The following GUCY1A2 variants were observed in gnomAD, a reference collection of about 807,000 sequenced individuals.
GUCY1A2 encodes the protein guanylate cyclase 1 soluble subunit alpha 2, also known as guanylate cyclase soluble subunit alpha-2.
In GUCY1A2, 27 loss-of-function variants were observed where a neutral mutation model predicts 63.5. The ratio of observed to expected loss-of-function variants is 0.43; its 90% CI spans 0.31 to 0.59. GUCY1A2 has a LOEUF of 0.59. Ranked by LOEUF, GUCY1A2 falls within the 20% of genes least tolerant of loss-of-function variation. The pLI is 0.11. For synonymous variants in GUCY1A2, 364 were observed against 343.5 expected (o/e 1.06, Z -0.66); for missense variants, 768 against 913.3 (o/e 0.84, Z 2.05).
intron 6 of GUCY1A2, among the ~76,000 whole-genome samples, chr11:106,762,783 C>T (rs959677129): frequency 1.3e-5 from 2 of 152,028 alleles, no homozygotes; most frequent in Non-Finnish European, 2.9e-5. Context: ...CAGTAGTTTG[C>T]TCATATTAAT....
chr11:106,674,239 C>T lies in GUCY1A2; in HGVS notation c.*13310G>A, dbSNP rs1305902132. The T allele has an allele frequency of 1.1e-5, 2 of 184,702 alleles. No homozygotes were observed. Among genetic ancestry groups the T allele is most frequent in the Middle Eastern group, 1.9e-3 (1 of 534 alleles). 11.4% of individuals were successfully genotyped at this position (184,702 alleles called of 1,614,324 possible). On this transcript the variant is annotated 3_prime_UTR_variant, in exon 8 of 8. Transcript: ENST00000526355. ...GTTCTGCAGTCTGTAAATGCAAAGACATTTTACATCATGAAACATGCTATT... is the reference window on the plus strand; with the variant it reads ...GTTCTGCAGTCTGTAAATGCAAAGATATTTTACATCATGAAACATGCTATT...
chr11:106,933,841 C>T (rs987373285), intron 4 of GUCY1A2, among the ~76,000 whole-genome samples: 2 of 152,102 alleles, frequency 1.3e-5, no homozygotes, highest in Non-Finnish European at 2.9e-5. Context: ...TCTAAGCAAA[C>T]AAACACAGGA....
At chr11:106,782,939 G>A (rs1864491487) in intron 5 of GUCY1A2, among the ~76,000 whole-genome samples, 2 of 152,108 alleles carry the variant, frequency 1.3e-5, no homozygotes, top group African/African-American at 4.8e-5. Flanking sequence ...TACTCAGTAG[G>A]GTGGCTGAAG....
rs1350042066 is a variant in GUCY1A2 at position 106,681,283 on chromosome 11, T to G, written c.*6266A>C. On this transcript the variant is annotated 3_prime_UTR_variant, in exon 8 of 8. Coordinates refer to ENST00000526355, the MANE Select transcript of GUCY1A2 (RefSeq NM_000855.3). ...ATAATGAGCTCTTTTATCTTTACTC[T>G]TTCATCTTCCAAGACCATATCAAAC... 4 of 223,824 alleles carry G rather than the reference T, an allele frequency of 1.8e-5. No individual in the cohort carries two copies. The Admixed American group carries it at 2.3e-4, about 13-fold the overall frequency. The allele number at this position is 223,824 out of a possible 1,614,324, so 13.9% of individuals were successfully genotyped here.
intron 6 of GUCY1A2, among the ~76,000 whole-genome samples, chr11:106,750,600 A>T (rs769786773): frequency 5.9e-5 from 9 of 152,114 alleles, no homozygotes; most frequent in Non-Finnish European, 1.3e-4. Context: ...ATAAAAATAC[A>T]AAATGACACT....
chr11:106,743,793 T>C (rs144636048), intron 6 of GUCY1A2, among the ~76,000 whole-genome samples: 80 of 152,360 alleles, frequency 5.3e-4, no homozygotes, highest in African/African-American at 1.9e-3. Context: ...AGGATCTTGA[T>C]TGGACAACCA....
intron 1 of GUCY1A2, among the ~76,000 whole-genome samples, chr11:107,000,172 T>G (rs1012446892): frequency 6.6e-6 from 1 of 152,206 alleles, no homozygotes; most frequent in African/African-American, 2.4e-5. Context: ...AGGGGAAGAT[T>G]GGTTTTCTTT....
intron 3 of GUCY1A2, among the ~76,000 whole-genome samples, chr11:106,954,109 G>A (rs1296418512): frequency 6.6e-6 from 1 of 152,010 alleles, no homozygotes; most frequent in Non-Finnish European, 1.5e-5. Context: ...TGATGTTAGG[G>A]TGTCAATTTG....
At chr11:106,933,622 C>T (rs1565336089) in intron 4 of GUCY1A2, among the ~76,000 whole-genome samples, 3 of 152,160 alleles carry the variant, frequency 2.0e-5, no homozygotes, top group Admixed American at 1.3e-4. Context: ...ATAAATCATT[C>T]TACTCAAAAG....
At chr11:106,812,699 C>T (rs1041569977) in intron 4 of GUCY1A2, among the ~76,000 whole-genome samples, 3 of 151,862 alleles carry the variant, frequency 2.0e-5, no homozygotes, top group African/African-American at 4.8e-5. Flanking sequence ...GAATAGTTCA[C>T]ATTCCTGTCT....
intron 4 of GUCY1A2, chr11:106,827,448 TC>T (rs1858987170): frequency 1.4e-6 from 2 of 1,442,274 alleles, no homozygotes; most frequent in African/African-American, 2.8e-5. Context: ...AGATCATTAT[TC>T]TTTTAGCTTT....
rs1161171877 is a variant in GUCY1A2 at position 106,674,376 on chromosome 11, T to C, written c.*13173A>G. Reference sequence around the variant, plus strand: ...ATTTATAATCTTATATGAGTTATACTTTTACATGTATTATTCTTAAAATTC... The same window carrying C: ...ATTTATAATCTTATATGAGTTATACCTTTACATGTATTATTCTTAAAATTC... On this transcript the variant is annotated 3_prime_UTR_variant, in exon 8 of 8. Coordinates refer to ENST00000526355, the MANE Select transcript of GUCY1A2 (RefSeq NM_000855.3). 5.6e-6 allele frequency: 1 copy of C among 178,128 alleles called. No individual in the cohort carries two copies. Among genetic ancestry groups the C allele is most frequent in the Non-Finnish European group, 1.2e-5 (1 of 82,872 alleles). 11.0% of individuals were successfully genotyped at this position (178,128 alleles called of 1,614,324 possible).
At chr11:106,985,206 G>T (rs896207655) in intron 2 of GUCY1A2, among the ~76,000 whole-genome samples, 6 of 152,188 alleles carry the variant, frequency 3.9e-5, no homozygotes, top group Non-Finnish European at 8.8e-5. Context: ...CTTCTCAAAA[G>T]TTCTTAAAAT....
intron 1 of GUCY1A2, among the ~76,000 whole-genome samples, chr11:107,005,225 G>A (rs1861656804): frequency 6.6e-6 from 1 of 152,204 alleles, no homozygotes; most frequent in Non-Finnish European, 1.5e-5. Context: ...CAGAGGGGCA[G>A]ACAATAGCTG....
At chr11:106,827,494 G>A in intron 4 of GUCY1A2, 3 of 1,465,246 alleles carry the variant, frequency 2.0e-6, no homozygotes, top group South Asian at 1.1e-5. Context: ...AGCACTGTCT[G>A]TATCACGGAT....
intron 1 of GUCY1A2, among the ~76,000 whole-genome samples, chr11:107,015,939 G>C (rs904678855): frequency 6.6e-6 from 1 of 152,098 alleles, no homozygotes; most frequent in Non-Finnish European, 1.5e-5. Flanking sequence ...AAATACACAA[G>C]AATAGGAAGA....
intron 4 of GUCY1A2, among the ~76,000 whole-genome samples, chr11:106,875,153 A>G (rs1024631275): frequency 2.0e-5 from 3 of 152,178 alleles, no homozygotes; most frequent in African/African-American, 7.2e-5. Flanking sequence ...TAATGCTACT[A>G]TAACAGTATC....
At chr11:106,882,362 T>C (rs1859836010) in intron 4 of GUCY1A2, among the ~76,000 whole-genome samples, 1 of 152,034 alleles carries the variant, frequency 6.6e-6, no homozygotes, top group Admixed American at 6.6e-5. Context: ...ATTCAGGTGA[T>C]TGCTAACTGT....
At chr11:106,719,418 A>G (rs1442723519) in intron 6 of GUCY1A2, among the ~76,000 whole-genome samples, 1 of 152,132 alleles carries the variant, frequency 6.6e-6, no homozygotes, top group Non-Finnish European at 1.5e-5. Context: ...GTCTCATAGT[A>G]TTACATGTGT....
Sources: gnomAD v4.1 joint callset for allele counts (sites outside exome capture counted in the v4.1 genomes callset) on GRCh38, gnomAD v4.1.1 for gene constraint, MANE v1.5 for transcripts, NCBI Gene and HGNC (gene_info 2026-07-23, HGNC 2026-07-21) for gene names.